ATAD2: variants seen among roughly 807,000 people sequenced by gnomAD.
The protein encoded by ATAD2 is ATPase family AAA domain containing 2.
In ATAD2, 62 loss-of-function variants were observed where a neutral mutation model predicts 168.9. The ratio of observed to expected loss-of-function variants is 0.37; its 90% CI spans 0.30 to 0.45. The LOEUF (loss-of-function observed/expected upper bound fraction) is 0.45, where lower values mean the gene tolerates loss of function less well. ATAD2 is among the 20% of genes least tolerant of loss of function. The probability of loss-of-function intolerance (pLI) is 1.00; values close to 1 mark genes in which losing one functional copy is unlikely to be tolerated. For missense variants in ATAD2, 1,419 were observed against 1,667.8 expected, an observed-to-expected ratio of 0.85 and a Z score of 2.60; for synonymous variants, 613 against 571.6, an observed-to-expected ratio of 1.07 and a Z score of -1.03.
At chr8:123,336,276 G>C in intron 22 of ATAD2, 97 bp downstream of exon 22, 1 of 1,075,968 alleles carries the variant, frequency 9.3e-7, no homozygotes, top group Non-Finnish European at 1.3e-6. Flanking sequence ...ATAGTATTTT[G>C]ATTATGTTTA....
rs769652849 is a variant in ATAD2, at chr8:123,334,343, G to A, written c.3212-21C>T. 7 of 1,470,238 alleles carry A rather than the reference G, an allele frequency of 4.8e-6. No individual in the cohort carries two copies. In the African/African-American group the frequency reaches 7.2e-5, roughly 15 times the overall value. The allele number at this position is 1,470,238 out of a possible 1,614,324, so 91.1% of individuals were successfully genotyped here. A position where few individuals can be genotyped will look rare whatever the true frequency, so the allele number is the denominator to read the frequency against. Reference sequence around the variant, plus strand: ...ACGATCTATGAAGTGAGTAAAAAATGTAATTTTTAATTTCCCCCTTTTAAT... The same window carrying A: ...ACGATCTATGAAGTGAGTAAAAAATATAATTTTTAATTTCCCCCTTTTAAT... On this transcript the variant is annotated intron_variant, in intron 22 of 27. Coordinates refer to ENST00000287394, the MANE Select transcript of ATAD2 (RefSeq NM_014109.4).
intron 7 of ATAD2, 80 bp from the exon 8 acceptor site, chr8:123,369,255 C>T: frequency 2.0e-6 from 1 of 500,484 alleles, no homozygotes; most frequent in East Asian, 7.1e-5. Flanking sequence ...TAATTTTGCT[C>T]TTCATCTAAA....
intron 11 of ATAD2, among the ~76,000 whole-genome samples, chr8:123,358,540 G>GT (rs1261105046): frequency 1.3e-5 from 2 of 151,964 alleles, no homozygotes; most frequent in Non-Finnish European, 2.9e-5. Context: ...TAAAGACAGG[G>GT]TTTCACTATG....
intron 1 of ATAD2, among the ~76,000 whole-genome samples, chr8:123,389,572 G>A (rs1829753657): frequency 6.6e-6 from 1 of 151,406 alleles, no homozygotes; most frequent in Non-Finnish European, 1.5e-5. Flanking sequence ...CCCAGAAGGA[G>A]GAGCTTGCAG....
rs995715139 is a variant in ATAD2, at chr8:123,369,966, A to T, written c.786T>A (p.Asp262Glu). 2 of 1,579,280 alleles carry T rather than the reference A, an allele frequency of 1.3e-6. No homozygotes were observed. Among genetic ancestry groups the T allele is most frequent in the African/African-American group, 1.4e-5 (1 of 73,986 alleles). ...EHEDDGEDEDDEDDDDDDDDD... is the reference protein window; with the variant it reads ...EHEDDGEDEDEEDDDDDDDDD... ...CATCGTCATCATCATCATCATCTTC[A>T]TCATCTTCATCTTCACCATCATCTT... Residue 262 changes from aspartate to glutamate, a missense_variant, in exon 7 of 28, where the codon GAT (aspartate) becomes GAA (glutamate). This residue lies in a region of ATAD2 where 419 missense variants were observed against 423.5 expected (regional missense o/e 0.99). Coordinates refer to ENST00000287394, the MANE Select transcript of ATAD2 (RefSeq NM_014109.4).
intron 1 of ATAD2, among the ~76,000 whole-genome samples, chr8:123,413,512 A>C (rs1477015053): frequency 6.6e-6 from 1 of 152,208 alleles, no homozygotes; most frequent in Non-Finnish European, 1.5e-5. Flanking sequence ...TTTTGCAAAG[A>C]AACTGACGCT....
chr8:123,400,770 G>T (rs1812859729), upstream of ATAD2: 2 of 814,966 alleles, frequency 2.5e-6, no homozygotes, highest in Admixed American at 3.4e-5. The surrounding 1 kb of genome is among the most constrained non-coding windows in gnomAD (Gnocchi z 4.5). Flanking sequence ...AGACGCCGCT[G>T]ATCTCCTCCT....
chr8:123,353,438 T>C (rs1016623571), intron 13 of ATAD2, among the ~76,000 whole-genome samples: 22 of 151,896 alleles, frequency 1.4e-4, no homozygotes, highest in Non-Finnish European at 3.1e-4. Flanking sequence ...AAAAAAGTGA[T>C]TTTTTTTAGG....
chr8:123,349,537 T>C (rs1828379076), intron 13 of ATAD2, 93 bp from the exon 14 acceptor site: 1 of 1,222,100 alleles, frequency 8.2e-7, no homozygotes, highest in African/African-American at 1.6e-5. Flanking sequence ...TTTAACGCAT[T>C]ACATGTGAAT....
chr8:123,410,706 G>A (rs1813141882), intron 1 of ATAD2, among the ~76,000 whole-genome samples: 1 of 152,068 alleles, frequency 6.6e-6, no homozygotes, highest in African/African-American at 2.4e-5. Flanking sequence ...ATTAAATCTT[G>A]CTACTGCACT....
intron 2 of ATAD2, 71 bp downstream of exon 2, chr8:123,380,458 A>T: frequency 6.5e-7 from 1 of 1,539,898 alleles, no homozygotes; most frequent in Non-Finnish European, 8.9e-7. Context: ...AATACACTTC[A>T]AAAATTAAAG....
At position 123,337,793 on chromosome 8, in the gene ATAD2, T is replaced by C; in HGVS notation, c.2883A>G (p.Val961=). The C allele has an allele frequency of 6.2e-7, 1 of 1,609,504 alleles. No homozygotes were observed. The highest frequency in any genetic ancestry group is 8.5e-7 in the Non-Finnish European group (1 of 1,178,174). ...GTGATCTTGGCTCAGGTGGTGGTGC[T>C]ACTGGGAGTACCTCCAAAGCCTGCA... ...AVLQALEVLP[V]APPPEPRSLT... The change falls in exon 21 of 28, where the codon GTA becomes GTG. Residue 961 remains valine, a synonymous_variant. Transcript: ENST00000287394.
chr8:123,387,988 T>G (rs552447174), intron 1 of ATAD2, among the ~76,000 whole-genome samples: 1 of 152,218 alleles, frequency 6.6e-6, no homozygotes, highest in Non-Finnish European at 1.5e-5. Context: ...TTCTAATACA[T>G]GATATACATG....
intron 1 of ATAD2, among the ~76,000 whole-genome samples, chr8:123,391,053 A>T (rs530629809): frequency 7.2e-4 from 109 of 152,118 alleles, no homozygotes; most frequent in Non-Finnish European, 8.5e-4. Context: ...GTAATGTACG[A>T]TCATCATCAA....
At chr8:123,338,157 C>T (rs906761025) in intron 20 of ATAD2, among the ~76,000 whole-genome samples, 1 of 152,122 alleles carries the variant, frequency 6.6e-6, no homozygotes, top group Non-Finnish European at 1.5e-5. Flanking sequence ...GAGATCGAGA[C>T]CACCCTGGCT....
chr8:123,341,889 C>G (rs1489671071), intron 19 of ATAD2, among the ~76,000 whole-genome samples: 1 of 152,162 alleles, frequency 6.6e-6, no homozygotes, highest in Non-Finnish European at 1.5e-5. Flanking sequence ...GAGTTCAAGA[C>G]CAGCCTGGCC....
At chr8:123,326,080 A>G (rs1233744674) in intron 25 of ATAD2, 54 bp from the exon 26 acceptor site, 1 of 1,552,406 alleles carries the variant, frequency 6.4e-7, no homozygotes, top group Non-Finnish European at 8.8e-7. Flanking sequence ...TATGATGTCT[A>G]AAATAAATAA....
chr8:123,359,663 T>G lies in ATAD2; in HGVS notation c.1180A>C (p.Lys394Gln), dbSNP rs1343493031. The G allele has an allele frequency of 8.7e-6, 14 of 1,612,764 alleles. No homozygotes were observed. The highest frequency in any genetic ancestry group is 1.1e-5 in the Non-Finnish European group (13 of 1,179,676). The part of the protein sequence containing the change: ...INRCLPLNFR[K>Q]DELKGIYKDR... ...TTATAAATGCCTTTTAATTCATCTT[T>G]CCGAAAATTTAGTGGGAGGCACCTA... Residue 394 changes from lysine (K) to glutamine (Q), a missense_variant, in exon 10 of 28, where the codon AAA becomes CAA. Coordinates refer to ENST00000287394, the MANE Select transcript of ATAD2 (RefSeq NM_014109.4).
intron 24 of ATAD2, among the ~76,000 whole-genome samples, chr8:123,330,584 G>A (rs1304008339): frequency 6.6e-6 from 1 of 151,778 alleles, no homozygotes; most frequent in Admixed American, 6.6e-5. Context: ...GGATGGTCTC[G>A]ATCACATGAC....
Sources: allele counts gnomAD v4.1 joint callset (sites outside exome capture counted in the v4.1 genomes callset), GRCh38; gene constraint gnomAD v4.1.1; regional missense constraint gnomAD v4.1.1; non-coding constraint Gnocchi (gnomAD v3.1); transcripts MANE v1.5; gene names NCBI Gene and HGNC (gene_info 2026-07-23, HGNC 2026-07-21).